The following NEK1 variants were observed in gnomAD, a reference collection of about 807,000 sequenced individuals.
NEK1 encodes serine/threonine-protein kinase Nek1.
In NEK1, 137 loss-of-function variants were observed where a neutral mutation model predicts 182.1. The observed-to-expected ratio is 0.75, with a 90% CI of 0.65 to 0.87. The LOEUF is 0.87. NEK1 is among the 40% of genes least tolerant of loss of function. The probability of loss-of-function intolerance (pLI) is 0.00; values close to 1 mark genes in which losing one functional copy is unlikely to be tolerated. For missense variants in NEK1, 1,391 were observed against 1,494.4 expected (o/e 0.93, Z 1.14); for synonymous variants, 513 against 492.2 (o/e 1.04, Z -0.56).
At chr4:169,550,399 A>C (rs1308941386) in intron 18 of NEK1, among the ~76,000 whole-genome samples, 1 of 152,216 alleles carries the variant, frequency 6.6e-6, no homozygotes, top group Non-Finnish European at 1.5e-5. Context: ...TAATACACTT[A>C]ATAAAGTCAA....
At chr4:169,561,361 G>C (rs1762873373) in intron 16 of NEK1, 119 bp downstream of exon 16, 2 of 815,138 alleles carry the variant, frequency 2.5e-6, no homozygotes, top group South Asian at 3.2e-5. Flanking sequence ...AAGAATTCTA[G>C]GTAAAAATTA....
At chr4:169,523,879 G>A (rs960384169) in intron 19 of NEK1, among the ~76,000 whole-genome samples, 2 of 152,098 alleles carry the variant, frequency 1.3e-5, no homozygotes, top group Non-Finnish European at 1.5e-5. Flanking sequence ...TGAATGAAAA[G>A]TTTTAACAGT....
intron 23 of NEK1, among the ~76,000 whole-genome samples, chr4:169,484,973 CA>C (rs1410111366): frequency 6.6e-6 from 1 of 152,168 alleles, no homozygotes; most frequent in East Asian, 1.9e-4. Flanking sequence ...TTAAACACTA[CA>C]AGTCTGGTTT....
intron 11 of NEK1, among the ~76,000 whole-genome samples, chr4:169,580,003 T>C (rs1341489784): frequency 1.3e-5 from 2 of 152,206 alleles, no homozygotes; most frequent in Non-Finnish European, 2.9e-5. Flanking sequence ...TCTGAAATCA[T>C]TCTATTCAGG....
chr4:169,543,092 G>C (rs1183736442), intron 18 of NEK1, among the ~76,000 whole-genome samples: 1 of 152,074 alleles, frequency 6.6e-6, no homozygotes, highest in Non-Finnish European at 1.5e-5. Context: ...TTTTGGCTAG[G>C]TTTTCTTCTA....
intron 8 of NEK1, 95 bp downstream of exon 8, chr4:169,588,551 GTAT>G (rs1767900268): frequency 3.0e-6 from 2 of 662,440 alleles, no homozygotes; most frequent in East Asian, 5.6e-5. Flanking sequence ...TTACATGTAT[GTAT>G]TATTTATTTT....
rs147277094 is a variant in NEK1 at position 169,505,277 on chromosome 4, T to A, written c.2007+1760A>T. 8.0e-3 allele frequency among the ~76,000 whole-genome samples: 1,218 copies of A among 152,104 alleles called. 19 individuals carry two copies. Among genetic ancestry groups the A allele is most frequent in the African/African-American group, 0.028 (1,167 of 41,490 alleles). On this transcript the variant is annotated intron_variant, in intron 23 of 35. Coordinates refer to ENST00000507142, the MANE Select transcript of NEK1 (RefSeq NM_001199397.3). ...CAGCACAAATCCACTTACACACAATTTTTTTTTCTGCCTCTGCCACCCGAG... is the reference window on the plus strand; with the variant it reads ...CAGCACAAATCCACTTACACACAATATTTTTTTCTGCCTCTGCCACCCGAG...
intron 30 of NEK1, 50 bp from the exon 31 acceptor site, chr4:169,424,850 T>C: frequency 6.7e-7 from 1 of 1,492,448 alleles, no homozygotes; most frequent in Non-Finnish European, 9.0e-7. Context: ...GTACTTAAAG[T>C]TCTAAATGAT....
At chr4:169,521,328 G>A (rs1258835345) in intron 19 of NEK1, among the ~76,000 whole-genome samples, 3 of 2,756 alleles carry the variant, frequency 1.1e-3, no homozygotes, top group East Asian at 8.6e-3. Context: ...GACCCCTTGC[G>A]CTTCCCAGGT....
intron 19 of NEK1, among the ~76,000 whole-genome samples, chr4:169,525,096 T>G (rs980604546): frequency 6.6e-6 from 1 of 152,188 alleles, no homozygotes; most frequent in Non-Finnish European, 1.5e-5. Flanking sequence ...TTACACATAT[T>G]CTTTTCCATG....
intron 27 of NEK1, among the ~76,000 whole-genome samples, 163 bp downstream of exon 27, chr4:169,463,080 C>T (rs1744266046): frequency 1.3e-5 from 2 of 152,032 alleles, no homozygotes; most frequent in African/African-American, 4.8e-5. Flanking sequence ...ACCATTTGGA[C>T]AATCCCCCTA....
intron 23 of NEK1, chr4:169,506,797 G>T: frequency 4.7e-6 from 1 of 211,178 alleles, no homozygotes; most frequent in Non-Finnish European, 9.3e-6. Context: ...AAATAAATAA[G>T]ATAAATTAGT....
intron 23 of NEK1, among the ~76,000 whole-genome samples, chr4:169,484,436 T>C (rs554870265): frequency 1.8e-4 from 28 of 152,342 alleles, no homozygotes; most frequent in African/African-American, 6.3e-4. Context: ...AAAATACATA[T>C]TAATACCTAT....
intron 2 of NEK1, 98 bp from the exon 3 acceptor site, chr4:169,602,776 G>A: frequency 1.8e-6 from 1 of 542,390 alleles, no homozygotes; most frequent in South Asian, 2.8e-5. Context: ...TTAGTGATTT[G>A]CTAACATTTT....
chr4:169,527,644 G>A (rs889475205), intron 19 of NEK1, among the ~76,000 whole-genome samples: 12 of 151,728 alleles, frequency 7.9e-5, no homozygotes, highest in Non-Finnish European at 1.6e-4. Context: ...CAACCACAAA[G>A]AAATTATACA....
chr4:169,595,762 A>G (rs371369704), intron 5 of NEK1, among the ~76,000 whole-genome samples: 1 of 151,966 alleles, frequency 6.6e-6, no homozygotes, highest in Non-Finnish European at 1.5e-5. Context: ...TCTCTACTAA[A>G]AATCCAAAAA....
At chr4:169,484,596 A>ATCTGGGG (rs1418965198) in intron 23 of NEK1, among the ~76,000 whole-genome samples, 1 of 152,200 alleles carries the variant, frequency 6.6e-6, no homozygotes, top group Non-Finnish European at 1.5e-5. Context: ...GTACTAAACG[A>ATCTGGGG]TCTGGGGAAG....
At chr4:169,448,679 A>T (rs72973038) in intron 27 of NEK1, among the ~76,000 whole-genome samples, 14,800 of 152,256 alleles carry the variant, frequency 0.097, 798 homozygotes, top group East Asian at 0.17. Flanking sequence ...AAGAAGACTC[A>T]ACAGGAGTTC....
chr4:169,408,794 A>G (rs1481086840), intron 31 of NEK1, among the ~76,000 whole-genome samples: 1 of 152,198 alleles, frequency 6.6e-6, no homozygotes, highest in Non-Finnish European at 1.5e-5. Context: ...GCTGCAAAAG[A>G]CATTATTTCA....
Sources: gnomAD v4.1 joint callset for allele counts (sites outside exome capture counted in the v4.1 genomes callset) on GRCh38, gnomAD v4.1.1 for gene constraint, MANE v1.5 for transcripts, NCBI Gene and HGNC (gene_info 2026-07-23, HGNC 2026-07-21) for gene names.